MAML3: variants seen among roughly 807,000 people sequenced by gnomAD.
The protein encoded by MAML3 is mastermind like transcriptional coactivator 3.
A neutral mutation model predicts 101.9 loss-of-function variants in MAML3; 27 were observed. The observed-to-expected ratio is 0.27, with a 90% CI of 0.20 to 0.37. MAML3 has a LOEUF of 0.37. MAML3 is among the 10% of genes least tolerant of loss of function. The pLI is 1.00. For synonymous variants in MAML3, 501 were observed against 555.9 expected, an observed-to-expected ratio of 0.90 and a Z score of 1.39; for missense variants, 1,316 against 1,444.9, an observed-to-expected ratio of 0.91 and a Z score of 1.45.
At chr4:139,999,769 A>G (rs2110841858) in intron 1 of MAML3, among the ~76,000 whole-genome samples, 1 of 152,336 alleles carries the variant, frequency 6.6e-6, no homozygotes, top group South Asian at 2.1e-4. Context: ...ACCAACTCGA[A>G]ACTGTGGATT....
intron 1 of MAML3, among the ~76,000 whole-genome samples, chr4:139,979,244 T>G (rs1220486521): frequency 2.0e-5 from 3 of 152,326 alleles, no homozygotes; most frequent in Non-Finnish European, 2.9e-5. Flanking sequence ...TTGGTCTAAG[T>G]TGCCTTTCTC....
chr4:139,790,816 G>A (rs982539903), intron 2 of MAML3, among the ~76,000 whole-genome samples: 1 of 152,096 alleles, frequency 6.6e-6, no homozygotes, highest in Admixed American at 6.6e-5. Context: ...TTGGATTGTT[G>A]CTACCTTTTG....
At chr4:139,935,800 T>C (rs567477058) in intron 1 of MAML3, among the ~76,000 whole-genome samples, 48 of 152,352 alleles carry the variant, frequency 3.2e-4, no homozygotes, top group African/African-American at 1.1e-3. Flanking sequence ...ACATGATGTT[T>C]TGATATATGT....
At chr4:139,922,586 G>C (rs1334005676) in intron 1 of MAML3, among the ~76,000 whole-genome samples, 1 of 152,212 alleles carries the variant, frequency 6.6e-6, no homozygotes, top group Non-Finnish European at 1.5e-5. Context: ...AGTTAGAAAA[G>C]TGAATCATTC....
intron 2 of MAML3, among the ~76,000 whole-genome samples, chr4:139,745,322 A>T (rs1729287158): frequency 1.3e-5 from 2 of 152,204 alleles, no homozygotes; most frequent in South Asian, 4.1e-4. Context: ...TAAAGGGAAT[A>T]AACGCTAAAT....
chr4:140,129,389 C>A (rs542538708), intron 1 of MAML3, among the ~76,000 whole-genome samples: 1 of 152,170 alleles, frequency 6.6e-6, no homozygotes, highest in Non-Finnish European at 1.5e-5. Flanking sequence ...ATCCCCCCTA[C>A]CCCCAATTCT....
chr4:139,725,642 A>G, intron 4 of MAML3, 109 bp downstream of exon 4: 1 of 1,052,544 alleles, frequency 9.5e-7, no homozygotes, highest in Non-Finnish European at 1.4e-6. Context: ...ACATATTTTG[A>G]GTATTTCCTG....
chr4:139,751,703 C>T (rs1055496339), intron 2 of MAML3, among the ~76,000 whole-genome samples: 1 of 152,088 alleles, frequency 6.6e-6, no homozygotes, highest in African/African-American at 2.4e-5. Context: ...TTGATGGACC[C>T]CAGGGAGCCA....
At chr4:140,049,323 G>T (rs927026147) in intron 1 of MAML3, among the ~76,000 whole-genome samples, 2 of 152,172 alleles carry the variant, frequency 1.3e-5, no homozygotes, top group Non-Finnish European at 2.9e-5. Context: ...CAACGCTGTG[G>T]GATTCTCTTT....
intron 1 of MAML3, among the ~76,000 whole-genome samples, chr4:139,968,147 C>G (rs1734170989): frequency 6.6e-6 from 1 of 151,342 alleles, no homozygotes; most frequent in South Asian, 2.1e-4. Context: ...GGCATGGGGG[C>G]ACACGCCTAT....
chr4:140,023,706 T>A (rs535222065), intron 1 of MAML3, among the ~76,000 whole-genome samples: 7 of 152,314 alleles, frequency 4.6e-5, no homozygotes, highest in Non-Finnish European at 8.8e-5. Flanking sequence ...AACAGAGAAA[T>A]GAAGCAAATT....
chr4:140,103,751 C>T (rs908487405), intron 1 of MAML3, among the ~76,000 whole-genome samples: 10 of 152,128 alleles, frequency 6.6e-5, no homozygotes, highest in Non-Finnish European at 1.2e-4. Context: ...AGATGACATC[C>T]GTGTTGCCCA....
At chr4:140,036,189 A>G (rs895436123) in intron 1 of MAML3, among the ~76,000 whole-genome samples, 27 of 152,186 alleles carry the variant, frequency 1.8e-4, no homozygotes, top group Non-Finnish European at 2.6e-4. Flanking sequence ...TTTCTAATAC[A>G]TGTGAGGCCC....
At chr4:140,000,277 T>C (rs1214106565) in intron 1 of MAML3, among the ~76,000 whole-genome samples, 2 of 149,952 alleles carry the variant, frequency 1.3e-5, no homozygotes, top group Admixed American at 6.7e-5. Context: ...AATTATGAGA[T>C]AAAAAGAGCC....
intron 1 of MAML3, among the ~76,000 whole-genome samples, chr4:140,075,905 C>T (rs961864608): frequency 1.4e-4 from 22 of 152,154 alleles, no homozygotes; most frequent in Admixed American, 4.6e-4. Context: ...GGACTACAGG[C>T]ATGCACCACA....
chr4:139,830,578 C>G lies in MAML3; in HGVS notation c.2079+58779G>C, dbSNP rs573037627. ...TACAGGTGCCCGCCACCACGCCATG[C>G]TAATTTTTTATATTTTTAGTAGAGA... On this transcript the variant is annotated intron_variant, in intron 2 of 4. Coordinates refer to ENST00000509479, the MANE Select transcript of MAML3 (RefSeq NM_018717.5). Among the ~76,000 whole-genome samples, 303 of 151,788 alleles carry G rather than the reference C, an allele frequency of 2.0e-3. 1 individual carries two copies. Among genetic ancestry groups the G allele is most frequent in the African/African-American group, 7.2e-3 (296 of 41,222 alleles).
rs144863769 is a variant in MAML3 at position 139,768,955 on chromosome 4, A to G, written c.2080-38288T>C. On this transcript the variant is annotated intron_variant, in intron 2 of 4. Transcript: ENST00000509479. Reference sequence around the variant, plus strand: ...CGGTCAACATTGACAGAAGGTGTACATGACTCTACGGGAATGGGGAAATGG... The same window carrying G: ...CGGTCAACATTGACAGAAGGTGTACGTGACTCTACGGGAATGGGGAAATGG... 2.8e-3 allele frequency among the ~76,000 whole-genome samples: 425 copies of G among 152,326 alleles called. 3 individuals are homozygous for G. The highest frequency in any genetic ancestry group is 9.4e-3 in the African/African-American group (392 of 41,576).
intron 1 of MAML3, among the ~76,000 whole-genome samples, chr4:139,989,850 A>ACACAC (rs1734625641): frequency 8.1e-6 from 1 of 122,870 alleles, no homozygotes; most frequent in Non-Finnish European, 1.7e-5. Context: ...CACACAAACA[A>ACACAC]ACACACACAC....
At chr4:140,043,317 CT>C (rs1244255473) in intron 1 of MAML3, among the ~76,000 whole-genome samples, 1 of 152,168 alleles carries the variant, frequency 6.6e-6, no homozygotes, top group East Asian at 1.9e-4. Flanking sequence ...AAACACAATT[CT>C]TTTCCTCATT....
Sources: allele counts gnomAD v4.1 joint callset (sites outside exome capture counted in the v4.1 genomes callset), GRCh38; gene constraint gnomAD v4.1.1; transcripts MANE v1.5; gene names NCBI Gene and HGNC (gene_info 2026-07-23, HGNC 2026-07-21).